Variants in MIR2052HG observed in about 807,000 individuals in gnomAD.
MIR2052HG encodes MIR2052 host gene.
chr8:74,679,194 C>G (rs1809090818), intron 2 of MIR2052HG, among the ~76,000 whole-genome samples: 1 of 151,980 alleles, frequency 6.6e-6, no homozygotes, highest in African/African-American at 2.4e-5. Context: ...GCACCTGTCC[C>G]CTGAGCAGTG....
At chr8:74,757,090 G>A (rs1810012826) in intron 5 of MIR2052HG, 1 of 152,264 alleles carries the variant, frequency 6.6e-6, no homozygotes, top group African/African-American at 2.4e-5. Context: ...CTCTGTGGGA[G>A]GGAAAGAGTG....
intron 2 of MIR2052HG, among the ~76,000 whole-genome samples, chr8:74,700,262 C>T (rs1809345368): frequency 6.6e-6 from 1 of 152,132 alleles, no homozygotes; most frequent in Non-Finnish European, 1.5e-5. Context: ...ACAGGGAAAC[C>T]TGCTTATCAG....
At chr8:74,738,125 G>GTATCTATCTATC (rs760548566) in intron 4 of MIR2052HG, among the ~76,000 whole-genome samples, 1 of 132,718 alleles carries the variant, frequency 7.5e-6, no homozygotes, top group African/African-American at 3.1e-5. Flanking sequence ...ATGTATGTAT[G>GTATCTATCTATC]TATGTATGTA....
chr8:74,744,484 C>T (rs1479498811), intron 4 of MIR2052HG, among the ~76,000 whole-genome samples: 4 of 151,500 alleles, frequency 2.6e-5, no homozygotes, highest in Non-Finnish European at 4.4e-5. Flanking sequence ...CCTCCCCCTA[C>T]CCCACAACAG....
intron 2 of MIR2052HG, among the ~76,000 whole-genome samples, chr8:74,636,250 C>T (rs1808579967): frequency 6.6e-6 from 1 of 152,112 alleles, no homozygotes; most frequent in African/African-American, 2.4e-5. Context: ...TAGACTTTAC[C>T]TTGTTCCAAG....
intron 4 of MIR2052HG, among the ~76,000 whole-genome samples, chr8:74,706,437 A>C (rs1809411343): frequency 6.6e-6 from 1 of 152,110 alleles, no homozygotes; most frequent in Non-Finnish European, 1.5e-5. Context: ...TGTAGCTTCC[A>C]GGCAAATTAA....
At chr8:74,694,242 A>G (rs1265257852) in intron 2 of MIR2052HG, among the ~76,000 whole-genome samples, 1 of 152,174 alleles carries the variant, frequency 6.6e-6, no homozygotes, top group African/African-American at 2.4e-5. Context: ...CTGGCTGGTG[A>G]AACTCAGCAG....
chr8:74,605,680 G>A (rs1808100494), intron 1 of MIR2052HG, among the ~76,000 whole-genome samples: 1 of 151,702 alleles, frequency 6.6e-6, no homozygotes, highest in Non-Finnish European at 1.5e-5. Flanking sequence ...CAAGTTATTT[G>A]TACTGAAAGA....
chr8:74,657,241 T>C (rs1278750216), intron 2 of MIR2052HG, among the ~76,000 whole-genome samples: 1 of 152,208 alleles, frequency 6.6e-6, no homozygotes, highest in Non-Finnish European at 1.5e-5. Flanking sequence ...CTTTCCACAG[T>C]TGCCAGCTTC....
At chr8:74,645,173 G>A (rs1808678595) in intron 2 of MIR2052HG, among the ~76,000 whole-genome samples, 1 of 152,064 alleles carries the variant, frequency 6.6e-6, no homozygotes, top group Admixed American at 6.6e-5. Context: ...AGATATCAAA[G>A]TATAGTCATA....
intron 1 of MIR2052HG, among the ~76,000 whole-genome samples, chr8:74,600,631 G>A (rs1001419559): frequency 6.6e-6 from 1 of 150,680 alleles, no homozygotes; most frequent in East Asian, 2.0e-4. Flanking sequence ...GCTGGAGTGC[G>A]GTGGCACAAT....
chr8:74,754,015 T>C (rs1809974932), intron 5 of MIR2052HG, among the ~76,000 whole-genome samples: 1 of 152,204 alleles, frequency 6.6e-6, no homozygotes, highest in Admixed American at 6.5e-5. Context: ...GCATCATAGA[T>C]TAGTAGTTAG....
At chr8:74,660,196 T>C (rs1402798800) in intron 2 of MIR2052HG, among the ~76,000 whole-genome samples, 1 of 152,198 alleles carries the variant, frequency 6.6e-6, no homozygotes, top group African/African-American at 2.4e-5. Context: ...TTTTCCTCAC[T>C]TTGCTGATTA....
chr8:74,683,203 A>C (rs1809143982), intron 2 of MIR2052HG, among the ~76,000 whole-genome samples: 1 of 152,158 alleles, frequency 6.6e-6, no homozygotes, highest in Non-Finnish European at 1.5e-5. Flanking sequence ...TTTTATGTAG[A>C]TATCTAATGT....
At chr8:74,671,738 AG>A in intron 2 of MIR2052HG, among the ~76,000 whole-genome samples, 1 of 152,136 alleles carries the variant, frequency 6.6e-6, no homozygotes, top group East Asian at 1.9e-4. Context: ...TCACCATCAA[AG>A]ATAACAAAGC....
At chr8:74,655,663 G>T (rs1180028385) in intron 2 of MIR2052HG, among the ~76,000 whole-genome samples, 1 of 152,214 alleles carries the variant, frequency 6.6e-6, no homozygotes, top group African/African-American at 2.4e-5. Context: ...TGCTGCAGGG[G>T]TGGGGCCCTT....
At chr8:74,673,094 A>C (rs1809010260) in intron 2 of MIR2052HG, among the ~76,000 whole-genome samples, 1 of 152,108 alleles carries the variant, frequency 6.6e-6, no homozygotes, top group Non-Finnish European at 1.5e-5. Context: ...AAAAGAAAAA[A>C]AACATAGCTT....
chr8:74,686,097 A>AT (rs556888542), intron 2 of MIR2052HG, among the ~76,000 whole-genome samples: 64 of 143,292 alleles, frequency 4.5e-4, no homozygotes, highest in Middle Eastern at 3.5e-3. Flanking sequence ...ATCTCTGGAG[A>AT]TTTTTTTTTT....
chr8:74,615,844 G>T (rs1191682049), intron 2 of MIR2052HG, among the ~76,000 whole-genome samples: 1 of 151,958 alleles, frequency 6.6e-6, no homozygotes, highest in Non-Finnish European at 1.5e-5. Flanking sequence ...TCTCACCTAT[G>T]AGTGAGAACA....
Sources: gnomAD v4.1 joint callset for allele counts (sites outside exome capture counted in the v4.1 genomes callset) on GRCh38, gnomAD v4.1.1 for gene constraint, MANE v1.5 for transcripts, NCBI Gene and HGNC (gene_info 2026-07-23, HGNC 2026-07-21) for gene names.